BCR: variants seen among roughly 807,000 people sequenced by gnomAD.
BCR encodes BCR activator of RhoGEF and GTPase.
BCR carries 58 observed loss-of-function variants against 138.6 expected under a neutral mutation model. That is an observed-to-expected ratio of 0.42 (90% CI 0.34 to 0.52). BCR has a LOEUF of 0.52. BCR is among the 20% of genes least tolerant of loss of function. The pLI is 0.06. For missense variants in BCR, 1,599 were observed against 1,727.2 expected (o/e 0.93, Z 1.32); for synonymous variants, 786 against 730.1 (o/e 1.08, Z -1.23).
At chr22:23,223,062 C>T (rs1337375493) in intron 1 of BCR, among the ~76,000 whole-genome samples, 1 of 152,186 alleles carries the variant, frequency 6.6e-6, no homozygotes, top group African/African-American at 2.4e-5. Context: ...ATTGTAAAGG[C>T]ATTAATTTCA....
chr22:23,231,819 A>G (rs1246453477), intron 1 of BCR, among the ~76,000 whole-genome samples: 1 of 152,170 alleles, frequency 6.6e-6, no homozygotes, highest in African/African-American at 2.4e-5. Context: ...CCCCGTTTTT[A>G]GTGGGAGAAT....
chr22:23,222,243 A>C (rs2072833171), intron 1 of BCR, among the ~76,000 whole-genome samples: 1 of 152,220 alleles, frequency 6.6e-6, no homozygotes, highest in Non-Finnish European at 1.5e-5. Flanking sequence ...AGCACGTAGT[A>C]GGTGCTCAGT....
intron 1 of BCR, among the ~76,000 whole-genome samples, chr22:23,234,860 C>T (rs1440083701): frequency 6.9e-6 from 1 of 143,912 alleles, no homozygotes; most frequent in African/African-American, 2.5e-5. Flanking sequence ...CTTCGGGGCC[C>T]AGACACCAAG....
intron 4 of BCR, among the ~76,000 whole-genome samples, chr22:23,267,434 G>A (rs2073455686): frequency 6.6e-6 from 1 of 152,154 alleles, no homozygotes; most frequent in South Asian, 2.1e-4. Context: ...ACAGTGCCAA[G>A]GGTGCCTGGT....
chr22:23,232,339 G>A (rs1602043116), intron 1 of BCR, among the ~76,000 whole-genome samples: 1 of 152,230 alleles, frequency 6.6e-6, no homozygotes, highest in East Asian at 1.9e-4. Context: ...ATTAAGTAAC[G>A]TGCTAAGGTC....
intron 8 of BCR, chr22:23,283,325 A>G (rs1425312709): frequency 6.6e-6 from 1 of 152,224 alleles, no homozygotes; most frequent in Non-Finnish European, 1.5e-5. Context: ...AGTTGGGAGG[A>G]CTAGGAGTTC....
chr22:23,193,180 A>G (rs975299897), intron 1 of BCR, among the ~76,000 whole-genome samples: 1 of 152,224 alleles, frequency 6.6e-6, no homozygotes, highest in African/African-American at 2.4e-5. Context: ...TAGAGTAGGG[A>G]GAGATTTTCT....
chr22:23,299,934 C>T (rs190260998), intron 16 of BCR, among the ~76,000 whole-genome samples: 1 of 152,226 alleles, frequency 6.6e-6, no homozygotes, highest in Non-Finnish European at 1.5e-5. Flanking sequence ...AGTTTGGACT[C>T]CCACGTGCAT....
At chr22:23,221,952 G>A (rs928589656) in intron 1 of BCR, among the ~76,000 whole-genome samples, 6 of 151,686 alleles carry the variant, frequency 4.0e-5, no homozygotes, top group African/African-American at 4.9e-5. Flanking sequence ...TTAGCTGGGC[G>A]TGGTGGCAGG....
At chr22:23,198,075 G>A (rs902665695) in intron 1 of BCR, among the ~76,000 whole-genome samples, 2 of 152,182 alleles carry the variant, frequency 1.3e-5, no homozygotes, top group South Asian at 2.1e-4. Context: ...AGAGAAAGAA[G>A]TGGGGGAGTT....
intron 1 of BCR, among the ~76,000 whole-genome samples, chr22:23,229,845 T>G (rs750290256): frequency 1.1e-4 from 16 of 152,192 alleles, no homozygotes; most frequent in Non-Finnish European, 2.4e-4. Context: ...GGGCAGGGGC[T>G]TCACCTATTT....
At chr22:23,280,921 A>T (rs1046819796) in intron 8 of BCR, among the ~76,000 whole-genome samples, 4 of 152,224 alleles carry the variant, frequency 2.6e-5, no homozygotes, top group Non-Finnish European at 5.9e-5. Flanking sequence ...GCACCAGGAC[A>T]CACACAGGCC....
At chr22:23,294,500 A>C (rs1200383731) in intron 15 of BCR, among the ~76,000 whole-genome samples, 1 of 152,220 alleles carries the variant, frequency 6.6e-6, no homozygotes, top group Admixed American at 6.5e-5. Context: ...TCCCGGATTC[A>C]AGCAATTCTC....
chr22:23,273,109 G>A lies in BCR; in HGVS notation c.1950G>A (p.Val650=). ...TGCTCTACAAGCCTGTGGACCGTGT[G>A]ACGAGGAGCACGCTGGTCCTCCATG... The part of the protein sequence containing the change: ...ETLLYKPVDR[V]TRSTLVLHDL... The change falls in exon 7 of 23, where the codon GTG becomes GTA. Residue 650 remains valine, a synonymous_variant. Transcript: ENST00000305877. 2 of 1,613,658 alleles carry A rather than the reference G, an allele frequency of 1.2e-6. No individual in the cohort carries two copies. The highest frequency in any genetic ancestry group is 1.7e-6 in the Non-Finnish European group (2 of 1,179,770).
intron 1 of BCR, among the ~76,000 whole-genome samples, chr22:23,185,970 C>T (rs997048482): frequency 6.6e-6 from 1 of 151,396 alleles, no homozygotes; most frequent in Non-Finnish European, 1.5e-5. Context: ...ACCTCGGGTT[C>T]CGCCCGCCTC....
At position 23,284,028 on chromosome 22, in the gene BCR, C is replaced by T. The variant is rs777937187; in HGVS notation, c.2167C>T (p.Arg723Cys). The change falls in exon 9 of 23, where the codon CGC (arginine) becomes TGC (cysteine). Residue 723 changes from arginine to cysteine, a missense_variant. By Grantham distance (180) the Arg-to-Cys change is radical (BLOSUM62 -3). This residue lies in a region of BCR where 590 missense variants were observed against 762.4 expected (regional missense o/e 0.77). Coordinates refer to ENST00000305877, the MANE Select transcript of BCR (RefSeq NM_004327.4). ...SFMVELVEGA[R>C]KLRHVFLFTD... ...CATGGTGGAGCTGGTGGAGGGGGCC[C>T]GCAAGCTGCGCCACGTCTTCCTGTT... The T allele has an allele frequency of 3.1e-6, 5 of 1,605,190 alleles. No individual in the cohort carries two copies. The highest frequency in any genetic ancestry group is 1.1e-5 in the South Asian group (1 of 89,394).
chr22:23,233,721 C>A (rs1462610085), intron 1 of BCR, among the ~76,000 whole-genome samples: 1 of 146,426 alleles, frequency 6.8e-6, no homozygotes, highest in Non-Finnish European at 1.5e-5. Flanking sequence ...ACCCAGGAGT[C>A]GGGGGTTGTT....
chr22:23,186,359 C>G (rs1015269201), intron 1 of BCR, among the ~76,000 whole-genome samples: 3 of 152,166 alleles, frequency 2.0e-5, no homozygotes, highest in African/African-American at 4.8e-5. Context: ...AAGTTACTGT[C>G]TTAACCCTTT....
At chr22:23,265,835 G>A (rs556664372) in intron 4 of BCR, among the ~76,000 whole-genome samples, 2 of 152,192 alleles carry the variant, frequency 1.3e-5, no homozygotes, top group Non-Finnish European at 2.9e-5. Flanking sequence ...TAAGAACAAG[G>A]ACATTCCTAT....
Sources: allele counts gnomAD v4.1 joint callset (sites outside exome capture counted in the v4.1 genomes callset), GRCh38; gene constraint gnomAD v4.1.1; regional missense constraint gnomAD v4.1.1; transcripts MANE v1.5; gene names NCBI Gene and HGNC (gene_info 2026-07-23, HGNC 2026-07-21).